The following ICAM2 variants were observed in gnomAD, a reference collection of about 807,000 sequenced individuals.
The protein encoded by ICAM2 is intercellular adhesion molecule 2.
ICAM2 carries 14 observed loss-of-function variants against 19.1 expected under a neutral mutation model. The ratio of observed to expected loss-of-function variants is 0.73; its 90% confidence interval spans 0.48 to 1.15. The LOEUF (loss-of-function observed/expected upper bound fraction) is 1.15, where lower values mean the gene tolerates loss of function less well. ICAM2 is among the 50% of genes most tolerant of loss of function. The pLI is 0.00. For synonymous variants in ICAM2, 153 were observed against 152.7 expected (o/e 1.00, Z -0.01); for missense variants, 311 against 355.4 (o/e 0.88, Z 1.00).
intron 1 of ICAM2, among the ~76,000 whole-genome samples, chr17:64,012,678 T>C (rs1474559984): frequency 6.6e-6 from 1 of 152,226 alleles, no homozygotes; most frequent in African/African-American, 2.4e-5. Context: ...CCAAGTACTG[T>C]TGAATCCACG....
rs5502 is a variant in ICAM2, at chr17:64,006,680, G to A, written c.12C>T (p.Phe4=). 8.2e-4 allele frequency: 1,331 copies of A among 1,614,130 alleles called. 9 individuals are homozygous for A. In the African/African-American group the frequency reaches 0.015, roughly 18 times the overall value. ...GGGCCACAGTCAGGGTCCTGTAACCGAAAGAGGACATCTCTGGCAGTCTCC... is the reference window on the plus strand; with the variant it reads ...GGGCCACAGTCAGGGTCCTGTAACCAAAAGAGGACATCTCTGGCAGTCTCC... MSS[F]GYRTLTVALF... The change falls in exon 2 of 5, where the codon TTC becomes TTT. Residue 4 remains phenylalanine (F), a synonymous_variant. Coordinates refer to ENST00000579788, the MANE Select transcript of ICAM2 (RefSeq NM_001099789.2).
intron 1 of ICAM2, chr17:64,007,628 G>A (rs984549267): frequency 6.6e-6 from 1 of 152,296 alleles, no homozygotes; most frequent in Non-Finnish European, 1.5e-5. Flanking sequence ...GAGGCCCAGA[G>A]CCTCAGGAAA....
At chr17:64,019,197 A>G (rs539382739) in intron 1 of ICAM2, among the ~76,000 whole-genome samples, 7 of 152,190 alleles carry the variant, frequency 4.6e-5, no homozygotes, top group South Asian at 2.1e-4. Context: ...GCACACAGTA[A>G]CGCTATATAA....
intron 1 of ICAM2, among the ~76,000 whole-genome samples, chr17:64,008,186 T>G (rs1371760365): frequency 1.3e-5 from 2 of 152,116 alleles, no homozygotes; most frequent in Non-Finnish European, 2.9e-5. Context: ...GTTGCTGGAC[T>G]TGGGAATGAT....
rs745320913 is a variant in ICAM2 at position 64,006,647 on chromosome 17, G to C, written c.45C>G (p.Thr15=). 3 of 1,614,158 alleles carry C rather than the reference G, an allele frequency of 1.9e-6. No homozygotes were observed. Among genetic ancestry groups the C allele is most frequent in the Admixed American group, 3.3e-5 (2 of 60,030 alleles). The part of the protein sequence containing the change: ...GYRTLTVALF[T]LICCPGSDEK... ...CTGGCTTACCTGGACAGCAGATCAG[G>C]GTGAAGAGGGCCACAGTCAGGGTCC... The change falls in exon 2 of 5, where the codon ACC becomes ACG. Residue 15 remains threonine (T), a synonymous_variant. Coordinates refer to ENST00000579788, the MANE Select transcript of ICAM2 (RefSeq NM_001099789.2).
At chr17:64,017,070 C>T (rs1327364216) in intron 1 of ICAM2, among the ~76,000 whole-genome samples, 1 of 152,018 alleles carries the variant, frequency 6.6e-6, no homozygotes, top group African/African-American at 2.4e-5. Flanking sequence ...CAGGAAGAGA[C>T]AAAGATGCCT....
intron 3 of ICAM2, chr17:64,004,831 T>C: frequency 1.8e-6 from 1 of 541,202 alleles, no homozygotes; most frequent in Non-Finnish European, 3.4e-6. Context: ...TCAGCTATGT[T>C]GGGAAATGAC....
At chr17:64,007,590 C>T (rs1911270720) in intron 1 of ICAM2, among the ~76,000 whole-genome samples, 1 of 152,164 alleles carries the variant, frequency 6.6e-6, no homozygotes, top group South Asian at 2.1e-4. Context: ...TAGACTTGAT[C>T]TTGACTCAGC....
At chr17:64,005,576 G>A (rs1389068240) in intron 2 of ICAM2, among the ~76,000 whole-genome samples, 1 of 152,060 alleles carries the variant, frequency 6.6e-6, no homozygotes. Context: ...CCCTGCCTCT[G>A]GCTGTCCTTC....
chr17:64,009,529 C>T lies in ICAM2; in HGVS notation c.-44-2794G>A, dbSNP rs1312671699. On this transcript the variant is annotated intron_variant, in intron 1 of 4. Transcript: ENST00000579788. ...GTGATGCAATCTCAGCTCACTGCAACGTCCGCCTCCTGGGTTCAAGTGATT... is the reference window on the plus strand; with the variant it reads ...GTGATGCAATCTCAGCTCACTGCAATGTCCGCCTCCTGGGTTCAAGTGATT... 2.0e-5 allele frequency among the ~76,000 whole-genome samples: 3 copies of T among 152,254 alleles called. No homozygotes were observed. In the East Asian group the frequency reaches 5.8e-4, roughly 29 times the overall value.
intron 1 of ICAM2, among the ~76,000 whole-genome samples, chr17:64,014,330 G>GGAAGGAAGGAAAGAAAGAAAGAAA (rs1219763465): frequency 3.2e-5 from 1 of 31,152 alleles, no homozygotes; most frequent in Non-Finnish European, 6.4e-5. Context: ...AAGGAAGGAA[G>GGAAGGAAGGAAAGAAAGAAAGAAA]GAAAGAAAGA....
chr17:64,018,011 G>A (rs143447769), intron 1 of ICAM2, among the ~76,000 whole-genome samples: 145 of 152,232 alleles, frequency 9.5e-4, no homozygotes, highest in Middle Eastern at 3.4e-3. Flanking sequence ...CCTCGAAATT[G>A]TCAATCATAA....
intron 1 of ICAM2, among the ~76,000 whole-genome samples, chr17:64,019,766 A>G (rs9907905): frequency 0.044 from 6,468 of 148,586 alleles, 495 homozygotes; most frequent in African/African-American, 0.15. Context: ...TGGTGAGCCA[A>G]GATTGTGCCA....
chr17:64,012,059 T>C (rs1949328873), intron 1 of ICAM2, among the ~76,000 whole-genome samples: 1 of 152,204 alleles, frequency 6.6e-6, no homozygotes, highest in South Asian at 2.1e-4. Context: ...ATCTGATACA[T>C]ATATACAGTG....
chr17:64,003,298 C>T (rs114333460), intron 4 of ICAM2: 101 of 425,108 alleles, frequency 2.4e-4, no homozygotes, highest in African/African-American at 1.9e-3. Context: ...CCCTGTGTGC[C>T]GGCCGTCCAG....
chr17:64,018,936 CG>C (rs142432949), intron 1 of ICAM2, among the ~76,000 whole-genome samples: 1,954 of 151,732 alleles, frequency 0.013, 33 homozygotes, highest in African/African-American at 0.045. Flanking sequence ...TGGCCAGGAC[CG>C]TCTCTATCTC....
At chr17:64,008,205 G>A (rs914354493) in intron 1 of ICAM2, among the ~76,000 whole-genome samples, 1 of 152,206 alleles carries the variant, frequency 6.6e-6, no homozygotes, top group Non-Finnish European at 1.5e-5. Flanking sequence ...ATGCAGGGAG[G>A]AAGAGGCAGG....
chr17:64,016,670 C>T (rs977678349), intron 1 of ICAM2, among the ~76,000 whole-genome samples: 1 of 152,226 alleles, frequency 6.6e-6, no homozygotes, highest in Admixed American at 6.5e-5. Flanking sequence ...AAGCTTCCGT[C>T]GCCTACAGCT....
chr17:64,006,952 G>A (rs1442312427), intron 1 of ICAM2: 2 of 537,726 alleles, frequency 3.7e-6, no homozygotes, highest in Admixed American at 3.3e-5. Context: ...CTGACTCCCT[G>A]TGCAAGGGGC....
Sources: gnomAD v4.1 joint callset for allele counts (sites outside exome capture counted in the v4.1 genomes callset) on GRCh38, gnomAD v4.1.1 for gene constraint, MANE v1.5 for transcripts, NCBI Gene and HGNC (gene_info 2026-07-23, HGNC 2026-07-21) for gene names.